The following RAB2A variants were observed in gnomAD, a reference collection of about 807,000 sequenced individuals.
RAB2A encodes ras-related protein Rab-2A.
A neutral mutation model predicts 32.5 loss-of-function variants in RAB2A; 7 were observed. The ratio of observed to expected loss-of-function variants is 0.22; its 90% confidence interval spans 0.12 to 0.40. The LOEUF is 0.40. Among genes scored for constraint, RAB2A ranks in the 10% least tolerant of loss-of-function variants. The pLI is 1.00. For synonymous variants in RAB2A, 79 were observed against 85.2 expected (o/e 0.93, Z 0.40); for missense variants, 108 against 260.7 (o/e 0.41, Z 4.03).
rs1267191629 is a variant in RAB2A at position 60,623,095 on chromosome 8, A to T, written c.*2326A>T. 2 of 152,248 alleles carry T rather than the reference A, an allele frequency of 1.3e-5. No homozygotes were observed. Among genetic ancestry groups the T allele is most frequent in the Non-Finnish European group, 2.9e-5 (2 of 68,038 alleles). The allele number at this position is 152,248 out of a possible 1,614,324, so 9.4% of individuals were successfully genotyped here. ...AAACACAGCTTTCAATGTCTCACTC[A>T]ACATGTAACATTCAAAATTGTGATC... On this transcript the variant is annotated 3_prime_UTR_variant, in exon 8 of 8. Transcript: ENST00000262646.
chr8:60,603,380 A>G (rs1324499684), intron 6 of RAB2A, among the ~76,000 whole-genome samples: 1 of 152,234 alleles, frequency 6.6e-6, no homozygotes, highest in African/African-American at 2.4e-5. Context: ...AAGGGATTGG[A>G]TAATTTACAG....
chr8:60,593,181 T>G (rs1803969754), intron 6 of RAB2A, among the ~76,000 whole-genome samples: 1 of 152,196 alleles, frequency 6.6e-6, no homozygotes, highest in Non-Finnish European at 1.5e-5. Context: ...AGGAGATACA[T>G]TCTGAGAAAT....
At chr8:60,607,178 C>T (rs1402010701) in intron 6 of RAB2A, among the ~76,000 whole-genome samples, 2 of 148,780 alleles carry the variant, frequency 1.3e-5, no homozygotes, top group Non-Finnish European at 3.0e-5. Context: ...ACCTGTAATC[C>T]CAGCACTTTG....
intron 3 of RAB2A, among the ~76,000 whole-genome samples, chr8:60,573,867 C>G (rs187874508): frequency 6.6e-6 from 1 of 152,352 alleles, no homozygotes; most frequent in South Asian, 2.1e-4. Context: ...GCTGCAGCCT[C>G]GAGCTCCTGG....
chr8:60,550,454 G>A (rs370285479), intron 1 of RAB2A, among the ~76,000 whole-genome samples: 1 of 149,538 alleles, frequency 6.7e-6, no homozygotes, highest in African/African-American at 2.5e-5. Context: ...GTGTGATCTC[G>A]GCTCGCTGCA....
chr8:60,571,582 G>C (rs1197288096), intron 2 of RAB2A, among the ~76,000 whole-genome samples: 2 of 152,174 alleles, frequency 1.3e-5, no homozygotes, highest in Non-Finnish European at 2.9e-5. Flanking sequence ...ATTATAGCTA[G>C]TGGCAGATTT....
chr8:60,612,715 A>G (rs916804818), intron 6 of RAB2A, among the ~76,000 whole-genome samples: 1 of 152,226 alleles, frequency 6.6e-6, no homozygotes, highest in Non-Finnish European at 1.5e-5. Flanking sequence ...ACAAAATGAG[A>G]AAATTATAGA....
intron 1 of RAB2A, among the ~76,000 whole-genome samples, chr8:60,548,496 C>T (rs1807780981): frequency 1.6e-5 from 1 of 63,390 alleles, no homozygotes; most frequent in African/African-American, 1.5e-4. Context: ...CCGGACGGGG[C>T]GGCTGGCCGG....
At chr8:60,588,849 G>A (rs1394497447) in intron 5 of RAB2A, among the ~76,000 whole-genome samples, 2 of 152,194 alleles carry the variant, frequency 1.3e-5, no homozygotes, top group Non-Finnish European at 2.9e-5. Flanking sequence ...ATAGATTTTA[G>A]AGTGTTGTTT....
chr8:60,583,747 A>G (rs1461033451), intron 3 of RAB2A, among the ~76,000 whole-genome samples: 3 of 152,188 alleles, frequency 2.0e-5, no homozygotes, highest in Non-Finnish European at 2.9e-5. Flanking sequence ...GTCATTCATC[A>G]TTTATTTACA....
intron 7 of RAB2A, among the ~76,000 whole-genome samples, chr8:60,620,216 G>A (rs1302013021): frequency 6.6e-6 from 1 of 152,218 alleles, no homozygotes; most frequent in Non-Finnish European, 1.5e-5. Flanking sequence ...CCATGTCTTT[G>A]GGGATCATAG....
intron 6 of RAB2A, among the ~76,000 whole-genome samples, chr8:60,592,608 A>G (rs1029418556): frequency 6.6e-6 from 1 of 152,208 alleles, no homozygotes; most frequent in Non-Finnish European, 1.5e-5. Flanking sequence ...TTTACAAAGC[A>G]TGAGAATTCT....
intron 1 of RAB2A, among the ~76,000 whole-genome samples, chr8:60,550,790 T>A (rs73259444): frequency 0.042 from 6,427 of 152,242 alleles, 327 homozygotes; most frequent in African/African-American, 0.12. Flanking sequence ...CTGAAAACTC[T>A]CCAGTGAATC....
intron 6 of RAB2A, among the ~76,000 whole-genome samples, chr8:60,600,676 C>G (rs952015281): frequency 3.9e-5 from 6 of 152,144 alleles, no homozygotes; most frequent in South Asian, 2.1e-4. Context: ...TTGAAGGACA[C>G]TTTAGTGGCT....
chr8:60,590,000 C>T (rs1039946607), intron 5 of RAB2A, among the ~76,000 whole-genome samples: 2 of 151,576 alleles, frequency 1.3e-5, no homozygotes, highest in Non-Finnish European at 2.9e-5. Flanking sequence ...CTCACTCTGT[C>T]GCCCAGGCTG....
intron 1 of RAB2A, among the ~76,000 whole-genome samples, chr8:60,541,299 C>T (rs1317765500): frequency 6.6e-6 from 1 of 151,970 alleles, no homozygotes; most frequent in African/African-American, 2.4e-5. Flanking sequence ...TAAAGAAGGC[C>T]TGACAATTAA....
rs115423057 is a variant in RAB2A, at chr8:60,564,314, T to C, written c.118+5391T>C. The stretch of plus-strand genomic sequence containing the variant: ...CTTTCCCTTGGTGCTGTGGGTAAAC[T>C]TAAGTTCTTAGCCAGGGCCTACTGA... On this transcript the variant is annotated intron_variant, in intron 2 of 7. Transcript: ENST00000262646. Among the ~76,000 whole-genome samples, 821 of 152,336 alleles carry C rather than the reference T, an allele frequency of 5.4e-3. 7 individuals carry two copies. Among genetic ancestry groups the C allele is most frequent in the African/African-American group, 0.019 (776 of 41,582 alleles).
intron 6 of RAB2A, among the ~76,000 whole-genome samples, chr8:60,593,368 G>T (rs1803971993): frequency 6.6e-6 from 1 of 152,146 alleles, no homozygotes; most frequent in African/African-American, 2.4e-5. Context: ...CCGAGACTGG[G>T]TGCTAGAGAA....
chr8:60,589,360 G>A (rs1803898475), intron 5 of RAB2A, among the ~76,000 whole-genome samples: 1 of 152,130 alleles, frequency 6.6e-6, no homozygotes, highest in African/African-American at 2.4e-5. Context: ...AGAACAGAGA[G>A]AAATAAATGA....
Sources: gnomAD v4.1 joint callset for allele counts (sites outside exome capture counted in the v4.1 genomes callset) on GRCh38, gnomAD v4.1.1 for gene constraint, MANE v1.5 for transcripts, NCBI Gene and HGNC (gene_info 2026-07-23, HGNC 2026-07-21) for gene names.